The following RANBP17 variants were observed in gnomAD, a reference collection of about 807,000 sequenced individuals.
RANBP17 encodes the protein ran-binding protein 17.
A neutral mutation model predicts 141.2 loss-of-function variants in RANBP17; 158 were observed. The observed-to-expected ratio is 1.12, with a 90% CI of 0.98 to 1.28. The LOEUF is 1.28. RANBP17 is among the 50% of genes most tolerant of loss of function. RANBP17 has a pLI of 0.00. For synonymous variants in RANBP17, 430 were observed against 450.0 expected (o/e 0.96, Z 0.56); for missense variants, 1,438 against 1,290.7 (o/e 1.11, Z -1.75).
intron 5 of RANBP17, among the ~76,000 whole-genome samples, chr5:170,900,810 G>A (rs1465867043): frequency 6.6e-6 from 1 of 152,186 alleles, no homozygotes; most frequent in East Asian, 1.9e-4. Context: ...CAGTTTCCAT[G>A]TAGTTGTGCA....
At chr5:170,915,968 T>G (rs1252387539) in intron 8 of RANBP17, among the ~76,000 whole-genome samples, 1 of 152,020 alleles carries the variant, frequency 6.6e-6, no homozygotes, top group Non-Finnish European at 1.5e-5. Flanking sequence ...TACATACAAA[T>G]AGGAATTTTT....
intron 14 of RANBP17, among the ~76,000 whole-genome samples, chr5:171,026,175 A>G (rs1414144231): frequency 6.6e-6 from 1 of 152,232 alleles, no homozygotes; most frequent in Non-Finnish European, 1.5e-5. Context: ...GTAAAGAATA[A>G]TTGTAATAGC....
At chr5:171,293,244 G>A (rs1581196892) in intron 25 of RANBP17, among the ~76,000 whole-genome samples, 1 of 152,288 alleles carries the variant, frequency 6.6e-6, no homozygotes, top group East Asian at 1.9e-4. Flanking sequence ...ACTACTTAAT[G>A]TCAGAGGTTG....
At chr5:171,244,079 T>C (rs111454932) in intron 24 of RANBP17, among the ~76,000 whole-genome samples, 113 of 149,702 alleles carry the variant, frequency 7.5e-4, no homozygotes, top group African/African-American at 2.7e-3. Context: ...AAGAATGAAA[T>C]TCTGTCTCAA....
chr5:170,920,001 C>A (rs1772300515), intron 11 of RANBP17, among the ~76,000 whole-genome samples: 1 of 152,010 alleles, frequency 6.6e-6, no homozygotes, highest in Admixed American at 6.6e-5. Flanking sequence ...TAGTACTTTA[C>A]TTTCATTGCT....
At chr5:171,257,935 G>A (rs1255452847) in intron 24 of RANBP17, among the ~76,000 whole-genome samples, 23 of 151,740 alleles carry the variant, frequency 1.5e-4, no homozygotes, top group African/African-American at 4.6e-4. Flanking sequence ...GAGAAACCCC[G>A]CCTCTACTAA....
chr5:171,277,637 G>GTGTATGTATATATATA (rs1437482589), intron 25 of RANBP17, among the ~76,000 whole-genome samples: 1 of 56,918 alleles, frequency 1.8e-5, no homozygotes, highest in Non-Finnish European at 3.4e-5. Context: ...ATATATGTAT[G>GTGTATGTATATATATA]TATATATATA....
chr5:171,152,350 C>A (rs1372059855), intron 14 of RANBP17, among the ~76,000 whole-genome samples: 2 of 149,000 alleles, frequency 1.3e-5, no homozygotes, highest in East Asian at 2.0e-4. Flanking sequence ...ACCCGGGAGG[C>A]GGAGGTTGCA....
rs189938242 is a variant in RANBP17, at chr5:171,165,139, A to T, written c.1711-4991A>T. On this transcript the variant is annotated intron_variant, in intron 14 of 27. Transcript: ENST00000523189. ...TTAAATGTCAAGCTCTGAGTTCGGG[A>T]TCATCATTTAATCTAATCAAAAGCC... is the stretch of plus-strand genomic sequence containing the variant. 4.9e-3 allele frequency among the ~76,000 whole-genome samples: 753 copies of T among 152,190 alleles called. 6 individuals carry two copies. The highest frequency in any genetic ancestry group is 0.017 in the African/African-American group (716 of 41,524).
rs372275271 is a variant in RANBP17, at chr5:171,242,782, A to T, written c.2738A>T (p.Tyr913Phe). 6.2e-7 allele frequency: 1 copy of T among 1,613,676 alleles called. No individual in the cohort carries two copies. Among genetic ancestry groups the T allele is most frequent in the Non-Finnish European group, 8.5e-7 (1 of 1,179,674 alleles). Residue 913 changes from tyrosine to phenylalanine, a missense_variant, in exon 24 of 28, where the codon TAT becomes TTT. Transcript: ENST00000523189. ...IINLEPPVLM[Y>F]VLTSISEGLT... ...AACTTAGAGCCTCCTGTACTCATGT[A>T]TGTTCTCACATCTATCTCAGAGGGA...
At chr5:171,092,735 C>T (rs1786395613) in intron 14 of RANBP17, among the ~76,000 whole-genome samples, 1 of 152,096 alleles carries the variant, frequency 6.6e-6, no homozygotes, top group African/African-American at 2.4e-5. Context: ...GAAGTCCTTC[C>T]AGCTTCTAAT....
chr5:170,986,084 G>T (rs555580675), intron 14 of RANBP17, among the ~76,000 whole-genome samples: 3 of 152,014 alleles, frequency 2.0e-5, no homozygotes, highest in Non-Finnish European at 4.4e-5. Context: ...CCCAGCTCAC[G>T]CTTGTTGTCT....
chr5:171,167,450 G>A (rs1759783466), intron 14 of RANBP17, among the ~76,000 whole-genome samples: 1 of 152,046 alleles, frequency 6.6e-6, no homozygotes. Flanking sequence ...AACCAGTAAA[G>A]ATGTAAATAC....
intron 13 of RANBP17, among the ~76,000 whole-genome samples, chr5:170,955,666 A>ATG (rs1775626419): frequency 1.6e-5 from 1 of 63,806 alleles, no homozygotes; most frequent in African/African-American, 5.0e-5. Context: ...ATATATATAT[A>ATG]TATATATATA....
At chr5:170,920,205 A>C (rs959554096) in intron 11 of RANBP17, among the ~76,000 whole-genome samples, 10 of 152,128 alleles carry the variant, frequency 6.6e-5, no homozygotes, top group African/African-American at 1.9e-4. Context: ...TGCATGTTAA[A>C]TATAGTATAT....
chr5:171,090,230 G>A (rs1313178690), intron 14 of RANBP17, among the ~76,000 whole-genome samples: 1 of 152,214 alleles, frequency 6.6e-6, no homozygotes, highest in African/African-American at 2.4e-5. Context: ...CCAGGCTGAG[G>A]TGGTCTCAGA....
At chr5:171,136,877 T>G (rs1406788851) in intron 14 of RANBP17, among the ~76,000 whole-genome samples, 1 of 152,168 alleles carries the variant, frequency 6.6e-6, no homozygotes, top group East Asian at 1.9e-4. Context: ...GTAGGAAATC[T>G]TATCCCTAGA....
chr5:171,039,100 G>A (rs1365060360), intron 14 of RANBP17, among the ~76,000 whole-genome samples: 1 of 152,094 alleles, frequency 6.6e-6, no homozygotes, highest in Non-Finnish European at 1.5e-5. Context: ...CCCAGTAATG[G>A]GATTGCTAGG....
At chr5:171,262,587 G>A (rs553714867) in intron 24 of RANBP17, among the ~76,000 whole-genome samples, 1 of 152,116 alleles carries the variant, frequency 6.6e-6, no homozygotes, top group Non-Finnish European at 1.5e-5. Context: ...GGTATACACT[G>A]TGTAATGACC....
Sources: gnomAD v4.1 joint callset for allele counts (sites outside exome capture counted in the v4.1 genomes callset) on GRCh38, gnomAD v4.1.1 for gene constraint, MANE v1.5 for transcripts, NCBI Gene and HGNC (gene_info 2026-07-23, HGNC 2026-07-21) for gene names.